The following ANXA4 variants were observed in gnomAD, a reference collection of about 807,000 sequenced individuals.
ANXA4 encodes the protein 35-beta calcimedin.
A neutral mutation model predicts 49.8 loss-of-function variants in ANXA4; 39 were observed. The observed-to-expected ratio is 0.78, with a 90% CI of 0.61 to 1.02. The LOEUF (loss-of-function observed/expected upper bound fraction) is 1.02, where lower values mean the gene tolerates loss of function less well. ANXA4 is among the 50% of genes least tolerant of loss of function. The pLI is 0.00. For missense variants in ANXA4, 360 were observed against 410.1 expected (o/e 0.88, Z 1.05); for synonymous variants, 134 against 152.5 (o/e 0.88, Z 0.89).
At chr2:69,787,401 A>G (rs1025930336) in intron 2 of ANXA4, among the ~76,000 whole-genome samples, 2 of 152,194 alleles carry the variant, frequency 1.3e-5, no homozygotes, top group Non-Finnish European at 2.9e-5. Flanking sequence ...TGTCGAAGAA[A>G]CTAGATCGTT....
At chr2:69,644,479 C>G (rs1041074185) in exon 1 of ANXA4, 2 of 152,180 alleles carry the variant, frequency 1.3e-5, no homozygotes, top group Non-Finnish European at 2.9e-5. Context: ...TTTTGCGTCT[C>G]GATGTTATTG....
intron 2 of ANXA4, among the ~76,000 whole-genome samples, chr2:69,655,136 A>G (rs1000518958): frequency 2.0e-5 from 3 of 152,252 alleles, no homozygotes; most frequent in Non-Finnish European, 4.4e-5. Context: ...TCATGACTAT[A>G]ACACCAAAAG....
At chr2:69,710,006 A>C (rs527778326) in intron 2 of ANXA4, among the ~76,000 whole-genome samples, 4 of 48,738 alleles carry the variant, frequency 8.2e-5, no homozygotes, top group Non-Finnish European at 1.5e-4. Context: ...TTTTTTTTTG[A>C]GACAGAGTTT....
At chr2:69,757,258 ATATATATATTTTTTTTTTTTTT>A (rs1275579555) in intron 1 of ANXA4, among the ~76,000 whole-genome samples, 2 of 42,886 alleles carry the variant, frequency 4.7e-5, no homozygotes, top group Admixed American at 3.8e-4. Flanking sequence ...ATATATATAT[ATATATATATTTTTTTTTTTTTT>A]TTTTTTTTTA....
At chr2:69,670,115 T>C (rs1677116500) in intron 2 of ANXA4, among the ~76,000 whole-genome samples, 1 of 152,118 alleles carries the variant, frequency 6.6e-6, no homozygotes, top group South Asian at 2.1e-4. Flanking sequence ...CATTCCAGCA[T>C]ATTATAAAGC....
intron 2 of ANXA4, among the ~76,000 whole-genome samples, chr2:69,707,718 CT>C (rs1434926392): frequency 1.6e-4 from 24 of 152,206 alleles, no homozygotes; most frequent in Admixed American, 6.5e-5. Context: ...AACATTTATC[CT>C]TTGTGTTACA....
At chr2:69,653,127 C>T (rs1676313893) in exon 2 of ANXA4, 1 of 152,166 alleles carries the variant, frequency 6.6e-6, no homozygotes, top group Non-Finnish European at 1.5e-5. Context: ...ACTCTGGTCT[C>T]AGTTCTTCAG....
At chr2:69,755,425 G>T (rs1007248437) in intron 1 of ANXA4, among the ~76,000 whole-genome samples, 6 of 152,168 alleles carry the variant, frequency 3.9e-5, no homozygotes, top group Admixed American at 1.3e-4. Flanking sequence ...TTGAAGACTA[G>T]CCTGGACAAC....
intron 1 of ANXA4, among the ~76,000 whole-genome samples, chr2:69,755,204 G>A (rs542788431): frequency 1.3e-5 from 2 of 152,350 alleles, no homozygotes; most frequent in Admixed American, 1.3e-4. Flanking sequence ...GAAATGGGGA[G>A]TTACTGTTTC....
At chr2:69,730,198 T>A (rs914153810) in intron 3 of ANXA4, among the ~76,000 whole-genome samples, 29 of 151,574 alleles carry the variant, frequency 1.9e-4, no homozygotes, top group African/African-American at 3.4e-4. Context: ...AAAAAAAAAA[T>A]TCTGTTTTTT....
At chr2:69,739,434 CAG>C (rs1298326874), upstream of ANXA4, among the ~76,000 whole-genome samples, 1 of 151,756 alleles carries the variant, frequency 6.6e-6, no homozygotes, top group Non-Finnish European at 1.5e-5. Flanking sequence ...GGGGTGGGGA[CAG>C]AGTCTCACTC....
Position 69,651,382 on chromosome 2 carries a change from G to C in ANXA4, n.482-1616G>C, listed in dbSNP as rs144628494. 4.9e-3 allele frequency among the ~76,000 whole-genome samples: 744 copies of C among 152,268 alleles called. 9 individuals carry two copies. The highest frequency in any genetic ancestry group is 0.017 in the African/African-American group (702 of 41,550). ...CAAGACGTATTTTTGTTTTCTTAGA[G>C]ATTTTCATTACCTTGTCTAGTTTCT... is the stretch of plus-strand genomic sequence containing the variant. On this transcript the variant is annotated intron_variant and non_coding_transcript_variant, in intron 1 of 3. Coordinates refer to the ANXA4 transcript ENST00000418066.
At chr2:69,701,902 T>C (rs1315386676) in intron 2 of ANXA4, among the ~76,000 whole-genome samples, 10 of 152,344 alleles carry the variant, frequency 6.6e-5, no homozygotes, top group Admixed American at 5.2e-4. Context: ...TATGCGTTCT[T>C]AATAAATTAA....
chr2:69,737,976 A>G (rs1049097211), upstream of ANXA4, among the ~76,000 whole-genome samples: 6 of 152,334 alleles, frequency 3.9e-5, no homozygotes, highest in Admixed American at 2.0e-4. Flanking sequence ...AAGAAAGAAA[A>G]AAAAGACAGG....
At chr2:69,810,531 A>G in intron 6 of ANXA4, 63 bp from the exon 7 acceptor site, 1 of 1,368,368 alleles carries the variant, frequency 7.3e-7, no homozygotes, top group Non-Finnish European at 1.0e-6. Flanking sequence ...ATTGCTCTGG[A>G]GTGTGACAGG....
At chr2:69,796,411 A>C (rs79414773) in intron 3 of ANXA4, among the ~76,000 whole-genome samples, 1 of 152,158 alleles carries the variant, frequency 6.6e-6, no homozygotes, top group African/African-American at 2.4e-5. Context: ...CCAAGGTACT[A>C]TCTGGTCCTA....
At chr2:69,683,569 C>G (rs924375497) in intron 2 of ANXA4, among the ~76,000 whole-genome samples, 1 of 152,124 alleles carries the variant, frequency 6.6e-6, no homozygotes, top group East Asian at 1.9e-4. Flanking sequence ...GAACGATATG[C>G]GCTGTCTTCT....
chr2:69,713,372 G>T (rs753350883), intron 2 of ANXA4, among the ~76,000 whole-genome samples: 1 of 152,094 alleles, frequency 6.6e-6, no homozygotes, highest in African/African-American at 2.4e-5. Context: ...TGGATGATAA[G>T]ATTGGAAGAA....
intron 1 of ANXA4, among the ~76,000 whole-genome samples, chr2:69,650,920 A>G (rs752446097): frequency 1.3e-5 from 2 of 152,180 alleles, no homozygotes; most frequent in African/African-American, 2.4e-5. Flanking sequence ...TTTCTTGTTC[A>G]TTTATTTATT....
Sources: gnomAD v4.1 joint callset for allele counts (sites outside exome capture counted in the v4.1 genomes callset) on GRCh38, gnomAD v4.1.1 for gene constraint, MANE v1.5 for transcripts, NCBI Gene and HGNC (gene_info 2026-07-23, HGNC 2026-07-21) for gene names.